Variants in LNP1 observed in about 807,000 individuals in gnomAD.
The protein encoded by LNP1 is leukemia NUP98 fusion partner 1.
Under a neutral mutation model 14.5 loss-of-function variants are expected in LNP1, and 12 were observed. The ratio of observed to expected loss-of-function variants is 0.83; its 90% CI spans 0.53 to 1.34. LNP1 has a LOEUF of 1.34. LNP1 is among the 40% of genes most tolerant of loss of function. The pLI is 0.00. For synonymous variants in LNP1, 75 were observed against 71.4 expected (o/e 1.05, Z -0.26); for missense variants, 198 against 210.9 (o/e 0.94, Z 0.38).
At chr3:100,427,184 G>T (rs759865578) in intron 1 of LNP1, among the ~76,000 whole-genome samples, 35 of 151,724 alleles carry the variant, frequency 2.3e-4, no homozygotes, top group Non-Finnish European at 4.6e-4. Context: ...TTAAAAGTTT[G>T]CATTGCTTTC....
At chr3:100,422,803 C>CTTTTTTT (rs557593118) in intron 1 of LNP1, among the ~76,000 whole-genome samples, 4 of 69,056 alleles carry the variant, frequency 5.8e-5, no homozygotes, top group Non-Finnish European at 1.1e-4. Flanking sequence ...TTTGTCTCCT[C>CTTTTTTT]TTTTTTTTTT....
intron 2 of LNP1, among the ~76,000 whole-genome samples, chr3:100,443,693 A>G (rs1707364445): frequency 6.6e-6 from 1 of 152,184 alleles, no homozygotes; most frequent in African/African-American, 2.4e-5. Flanking sequence ...TTGTAAGTCA[A>G]CTTTGATTCC....
At chr3:100,430,710 GT>G (rs1223311746) in intron 2 of LNP1, among the ~76,000 whole-genome samples, 1 of 152,164 alleles carries the variant, frequency 6.6e-6, no homozygotes, top group African/African-American at 2.4e-5. Context: ...AACCAAGTAA[GT>G]TTTGTTTGGG....
At chr3:100,451,975 T>C (rs761223249) in intron 3 of LNP1, 26 bp downstream of exon 3, 1 of 1,507,654 alleles carries the variant, frequency 6.6e-7, no homozygotes, top group Non-Finnish European at 9.0e-7. Context: ...ACTGAATATT[T>C]AAGCCGCTTT....
intron 3 of LNP1, among the ~76,000 whole-genome samples, chr3:100,452,960 A>C (rs2148909049): frequency 6.6e-6 from 1 of 152,290 alleles, no homozygotes; most frequent in African/African-American, 2.4e-5. Context: ...TTTATTTTGC[A>C]AAACAGGAAT....
At chr3:100,450,457 C>T (rs1212964153) in intron 2 of LNP1, among the ~76,000 whole-genome samples, 1 of 151,954 alleles carries the variant, frequency 6.6e-6, no homozygotes, top group Admixed American at 6.6e-5. Context: ...CCTCAGCCTC[C>T]CGGGTAGCTG....
At chr3:100,423,289 G>GA (rs1707162537) in intron 1 of LNP1, among the ~76,000 whole-genome samples, 1 of 152,064 alleles carries the variant, frequency 6.6e-6, no homozygotes, top group Non-Finnish European at 1.5e-5. Flanking sequence ...TAACTGTTAA[G>GA]AAAAAGAAAA....
At chr3:100,425,998 T>A (rs1707188953) in intron 1 of LNP1, among the ~76,000 whole-genome samples, 1 of 152,150 alleles carries the variant, frequency 6.6e-6, no homozygotes, top group South Asian at 2.1e-4. Flanking sequence ...GAACACAAAT[T>A]AATAGCAGTG....
chr3:100,426,095 C>T (rs1361494157), intron 1 of LNP1, among the ~76,000 whole-genome samples: 1 of 152,230 alleles, frequency 6.6e-6, no homozygotes, highest in Admixed American at 6.5e-5. Context: ...CCCTAGCTTG[C>T]AGCTTTTGAC....
chr3:100,419,845 G>T (rs1034718762), intron 1 of LNP1, among the ~76,000 whole-genome samples: 1 of 152,076 alleles, frequency 6.6e-6, no homozygotes. Flanking sequence ...TCATGTGCAG[G>T]CTCTTGCATG....
At chr3:100,443,388 C>G (rs1432189488) in intron 2 of LNP1, among the ~76,000 whole-genome samples, 2 of 152,168 alleles carry the variant, frequency 1.3e-5, no homozygotes, top group African/African-American at 4.8e-5. Context: ...GACTGCTGTG[C>G]TTTATTATAC....
intron 1 of LNP1, among the ~76,000 whole-genome samples, chr3:100,421,274 T>C (rs1278447470): frequency 1.3e-5 from 2 of 152,246 alleles, no homozygotes; most frequent in Non-Finnish European, 2.9e-5. Flanking sequence ...TGGGTCTCTT[T>C]CTTGATTCTC....
At chr3:100,425,378 G>A (rs1477676912) in intron 1 of LNP1, among the ~76,000 whole-genome samples, 1 of 152,148 alleles carries the variant, frequency 6.6e-6, no homozygotes, top group Non-Finnish European at 1.5e-5. Flanking sequence ...AGGTGTTCTT[G>A]GAAACTAGAG....
chr3:100,412,971 T>C (rs895559136), intron 1 of LNP1, among the ~76,000 whole-genome samples: 2 of 152,188 alleles, frequency 1.3e-5, no homozygotes, highest in African/African-American at 4.8e-5. Context: ...GTTGAACAAG[T>C]TTCTAACTGA....
intron 2 of LNP1, among the ~76,000 whole-genome samples, chr3:100,434,413 C>T (rs1448944188): frequency 6.6e-6 from 1 of 152,118 alleles, no homozygotes; most frequent in Non-Finnish European, 1.5e-5. Context: ...TTATTCTGTT[C>T]CACTGGTCTA....
At chr3:100,413,445 G>T (rs1707049526) in intron 1 of LNP1, among the ~76,000 whole-genome samples, 2 of 152,164 alleles carry the variant, frequency 1.3e-5, no homozygotes, top group African/African-American at 4.8e-5. Flanking sequence ...ACAATCTGTA[G>T]TAACACTAGT....
intron 1 of LNP1, among the ~76,000 whole-genome samples, chr3:100,416,142 T>C (rs2148900261): frequency 6.6e-6 from 1 of 152,370 alleles, no homozygotes; most frequent in South Asian, 2.1e-4. Flanking sequence ...TGCTTAATGC[T>C]CACTAATTCC....
At chr3:100,416,749 A>T (rs1707088695) in intron 1 of LNP1, among the ~76,000 whole-genome samples, 1 of 148,608 alleles carries the variant, frequency 6.7e-6, no homozygotes, top group Admixed American at 6.8e-5. Flanking sequence ...AAGTTCCAGG[A>T]TACATGTGCA....
Position 100,429,735 on chromosome 3 carries a change from G to T in LNP1, c.6G>T (p.Glu2Asp). The change falls in exon 2 of 4, where the codon GAG becomes GAT. Residue 2 changes from glutamate to aspartate, a missense_variant. Transcript: ENST00000383693. The part of the protein sequence containing the change: M[E>D]HKDDDDDDVS... ...GTATTTGGCATCACCTTTACATGGAGCACAAAGATGATGATGATGATGATG... is the reference window on the plus strand; with the variant it reads ...GTATTTGGCATCACCTTTACATGGATCACAAAGATGATGATGATGATGATG... 6.2e-7 allele frequency: 1 copy of T among 1,613,766 alleles called. No individual in the cohort carries two copies. The highest frequency in any genetic ancestry group is 8.5e-7 in the Non-Finnish European group (1 of 1,179,804).
Sources: allele counts gnomAD v4.1 joint callset (sites outside exome capture counted in the v4.1 genomes callset), GRCh38; gene constraint gnomAD v4.1.1; transcripts MANE v1.5; gene names NCBI Gene and HGNC (gene_info 2026-07-23, HGNC 2026-07-21).